PLCZ1: variants seen among roughly 807,000 people sequenced by gnomAD.
PLCZ1 encodes the protein phospholipase C zeta 1, also known as 1-phosphatidylinositol 4,5-bisphosphate phosphodiesterase zeta-1.
Under a neutral mutation model 76.8 loss-of-function variants are expected in PLCZ1, and 64 were observed. That is an observed-to-expected ratio of 0.83 (90% CI 0.68 to 1.03). The LOEUF (loss-of-function observed/expected upper bound fraction) is 1.03, where lower values mean the gene tolerates loss of function less well. PLCZ1 is among the 50% of genes least tolerant of loss of function. The pLI is 0.00. For synonymous variants in PLCZ1, 248 were observed against 230.8 expected (o/e 1.07, Z -0.68); for missense variants, 751 against 713.7 (o/e 1.05, Z -0.60).
At chr12:18,728,374 A>AT (rs1247193899) in intron 3 of PLCZ1, among the ~76,000 whole-genome samples, 1 of 152,220 alleles carries the variant, frequency 6.6e-6, no homozygotes, top group Non-Finnish European at 1.5e-5. Flanking sequence ...TGTCTACATT[A>AT]TGGCAGATGA....
At chr12:18,656,837 GCAA>G in the PLCZ1 span, among the ~76,000 whole-genome samples, 61 of 152,212 alleles carry the variant, frequency 4.0e-4, no homozygotes, top group East Asian at 0.012. Context: ...ATCAAATTTT[GCAA>G]CAACAAAATG....
At position 18,683,745 on chromosome 12, in the gene PLCZ1, G is replaced by C. The variant is rs1467786315; in HGVS notation, c.1741+385C>G. 4 of 711,294 alleles carry C rather than the reference G, an allele frequency of 5.6e-6. No homozygotes were observed. The East Asian group carries it at 1.8e-4, about 32-fold the overall frequency. The allele number at this position is 711,294 out of a possible 1,614,324, so 44.1% of individuals were successfully genotyped here. The stretch of plus-strand genomic sequence containing the variant: ...TCAGCCCTGAAAAGGGGTCAGGAAA[G>C]GATAGTCTCAGGCTCCCAATCTCTT... On this transcript the variant is annotated intron_variant, in intron 14 of 14. Transcript: ENST00000266505.
chr12:18,647,567 G>A, the PLCZ1 span, among the ~76,000 whole-genome samples: 43,814 of 151,808 alleles, frequency 0.29, 7,821 homozygotes, highest in South Asian at 0.51. Context: ...GGGTATAAAA[G>A]GTGAAGTATA....
At chr12:18,700,325 C>A (rs955389223) in intron 9 of PLCZ1, among the ~76,000 whole-genome samples, 5 of 151,636 alleles carry the variant, frequency 3.3e-5, no homozygotes, top group Admixed American at 6.6e-5. Context: ...ATTTCACAAC[C>A]TGGCATCTAT....
Position 18,737,501 on chromosome 12 carries a change from A to G in PLCZ1, c.-130T>C. 2.3e-6 allele frequency: 3 copies of G among 1,291,166 alleles called. No homozygotes were observed. The highest frequency in any genetic ancestry group is 3.3e-6 in the Non-Finnish European group (3 of 898,750). The allele number at this position is 1,291,166 out of a possible 1,614,324, so 80.0% of individuals were successfully genotyped here. ...AATTTCTTGATACTCATCAGCTGTT[A>G]CCACTTTTCTAGGGAGAAAGCAGAG... is the stretch of plus-strand genomic sequence containing the variant. On this transcript the variant is annotated 5_prime_UTR_variant, in exon 2 of 15. Transcript: ENST00000266505.
intron 5 of PLCZ1, 37 bp from the exon 6 acceptor site, chr12:18,713,023 G>A: frequency 6.2e-7 from 1 of 1,611,426 alleles, no homozygotes; most frequent in Non-Finnish European, 8.5e-7. Flanking sequence ...GTTACTCCTG[G>A]ACCATTAAAA....
chr12:18,686,720 G>T (rs1180940082), intron 13 of PLCZ1, among the ~76,000 whole-genome samples: 1 of 151,962 alleles, frequency 6.6e-6, no homozygotes, highest in Admixed American at 6.6e-5. Flanking sequence ...TTTACTTATA[G>T]CATCATCTTT....
At chr12:18,703,019 A>ATTAAATT (rs1385751515) in intron 7 of PLCZ1, among the ~76,000 whole-genome samples, 1 of 151,992 alleles carries the variant, frequency 6.6e-6, no homozygotes, top group African/African-American at 2.4e-5. Flanking sequence ...TTTAATATGG[A>ATTAAATT]GCTAAAATTT....
In PLCZ1 at chr12:18,723,362, T is replaced by G; in HGVS notation, c.316A>C (p.Ser106Arg). 1 of 1,612,948 alleles carries G rather than the reference T, an allele frequency of 6.2e-7. No individual in the cohort carries two copies. Among genetic ancestry groups the G allele is most frequent in the Non-Finnish European group, 8.5e-7 (1 of 1,179,420 alleles). Residue 106 changes from serine (S) to arginine (R), a missense_variant, in exon 4 of 15, where the codon AGT (serine) becomes CGT (arginine). Ser to Arg is a moderately radical substitution (Grantham distance 110). Transcript: ENST00000266505. ...ATGATCTCAAAAGCAATAGCTTTAC[T>G]CATCTCAGCTGCATATTGTTCTTGT... is the stretch of plus-strand genomic sequence containing the variant. Reference protein sequence around the residue: ...LTQEQYAAEMSKAIAFEIIQK... With the variant: ...LTQEQYAAEMRKAIAFEIIQK...
chr12:18,694,868 T>C, intron 12 of PLCZ1, 42 bp downstream of exon 12: 1 of 1,447,314 alleles, frequency 6.9e-7, no homozygotes, highest in Non-Finnish European at 9.5e-7. Flanking sequence ...ATCTAGTTTA[T>C]ATAATAACCA....
chr12:18,660,455 C>A, the PLCZ1 span, among the ~76,000 whole-genome samples: 7 of 152,066 alleles, frequency 4.6e-5, no homozygotes, highest in Non-Finnish European at 8.8e-5. Context: ...GCCAGCGCCT[C>A]GGCACCTTTA....
At chr12:18,732,411 C>T (rs1034125997) in intron 3 of PLCZ1, among the ~76,000 whole-genome samples, 1 of 152,174 alleles carries the variant, frequency 6.6e-6, no homozygotes, top group Non-Finnish European at 1.5e-5. Flanking sequence ...CTCAGCTTCA[C>T]AAAGTGCTGG....
the PLCZ1 span, among the ~76,000 whole-genome samples, chr12:18,650,744 A>G: frequency 0.098 from 4,090 of 41,862 alleles, 225 homozygotes; most frequent in African/African-American, 0.13. Context: ...ATATATATAT[A>G]TATATATATA....
At position 18,699,266 on chromosome 12, in the gene PLCZ1, C is replaced by A. The variant is rs149478692; in HGVS notation, c.1174+528G>T. Among the ~76,000 whole-genome samples, 775 of 152,280 alleles carry A rather than the reference C, an allele frequency of 5.1e-3. 4 individuals are homozygous for A. The highest frequency in any genetic ancestry group is 6.7e-3 in the Admixed American group (102 of 15,280). ...GAGCCTCCAAGTCTGATTAACCCTA[C>A]CCTCTTCAATGCCTATTAAATCCAC... On this transcript the variant is annotated intron_variant, in intron 10 of 14. Transcript: ENST00000266505.
intron 3 of PLCZ1, among the ~76,000 whole-genome samples, chr12:18,730,579 G>T (rs1013366166): frequency 1.3e-5 from 2 of 151,922 alleles, no homozygotes; most frequent in Non-Finnish European, 2.9e-5. Flanking sequence ...TATATTAATA[G>T]CCACTCCAGA....
the PLCZ1 span, among the ~76,000 whole-genome samples, chr12:18,650,730 A>ATATATC: frequency 1.2e-4 from 3 of 25,188 alleles, no homozygotes; most frequent in South Asian, 1.8e-3. Context: ...ATATATATAT[A>ATATATC]TATATATATA....
chr12:18,723,700 G>A (rs1333018390), intron 3 of PLCZ1, among the ~76,000 whole-genome samples, 158 bp from the exon 4 acceptor site: 2 of 152,064 alleles, frequency 1.3e-5, no homozygotes, highest in African/African-American at 2.4e-5. Flanking sequence ...GCTGCATGGA[G>A]TGACGTCAAA....
At chr12:18,688,857 T>C (rs1202776228) in intron 12 of PLCZ1, among the ~76,000 whole-genome samples, 1 of 152,024 alleles carries the variant, frequency 6.6e-6, no homozygotes, top group Non-Finnish European at 1.5e-5. Context: ...ATAGAAGATA[T>C]AAGCCTAAAA....
the PLCZ1 span, among the ~76,000 whole-genome samples, chr12:18,666,004 C>T: frequency 3.9e-4 from 59 of 150,814 alleles, no homozygotes; most frequent in African/African-American, 1.3e-3. Flanking sequence ...TGACCAAAGT[C>T]TTCGTATACT....
Sources: gnomAD v4.1 joint callset for allele counts (sites outside exome capture counted in the v4.1 genomes callset) on GRCh38, gnomAD v4.1.1 for gene constraint, MANE v1.5 for transcripts, NCBI Gene and HGNC (gene_info 2026-07-23, HGNC 2026-07-21) for gene names.